Variants in EBF4 observed in about 807,000 individuals in gnomAD.
The protein encoded by EBF4 is transcription factor COE4.
In EBF4, 34 loss-of-function variants were observed where a neutral mutation model predicts 67.1. The ratio of observed to expected loss-of-function variants is 0.51; its 90% confidence interval spans 0.39 to 0.67. The LOEUF is 0.67. Ranked by LOEUF, EBF4 falls within the 30% of genes least tolerant of loss-of-function variation. The pLI is 0.00. For synonymous variants in EBF4, 387 were observed against 377.7 expected (o/e 1.02, Z -0.29); for missense variants, 837 against 873.3 (o/e 0.96, Z 0.52).
chr20:2,707,957 A>T lies in EBF4; in HGVS notation c.425A>T (p.Tyr142Phe). The change falls in exon 5 of 17, where the codon TAT becomes TTT. Residue 142 changes from tyrosine to phenylalanine, a missense_variant. Transcript: ENST00000609451. This position sits in a 1 kb window ranked among gnomAD's most constrained non-coding sequence, Gnocchi z 4.6. ...CCTCCCTCTCCCCAGGCCATCATCT[A>T]TGAGGGGCAGGACAAGAACCCCGAA... 1 of 1,601,900 alleles carries T rather than the reference A, an allele frequency of 6.2e-7. No homozygotes were observed. Among genetic ancestry groups the T allele is most frequent in the East Asian group, 2.2e-5 (1 of 44,604 alleles).
Position 2,749,763 on chromosome 20 carries a change from C to T in EBF4, c.891+10C>T. 6.7e-7 allele frequency: 1 copy of T among 1,489,240 alleles called. No homozygotes were observed. Among genetic ancestry groups the T allele is most frequent in the South Asian group, 1.3e-5 (1 of 79,076 alleles). The allele number at this position is 1,489,240 out of a possible 1,614,324, so 92.3% of individuals were successfully genotyped here. A position where few individuals can be genotyped will look rare whatever the true frequency, so the allele number is the denominator to read the frequency against. The stretch of plus-strand genomic sequence containing the variant: ...GCTCGTGTGGAGCGAGGTGGGCCAA[C>T]CCCGCCAGTCTCCCTCTGGGCCTAG... On this transcript the variant is annotated intron_variant, in intron 9 of 16. Transcript: ENST00000609451.
chr20:2,697,566 A>AAGAG (rs1355203552), intron 1 of EBF4, among the ~76,000 whole-genome samples: 1 of 148,434 alleles, frequency 6.7e-6, no homozygotes, highest in Non-Finnish European at 1.5e-5. Flanking sequence ...GAAAGAAAGA[A>AAGAG]AAAGGGGGTA....
At chr20:2,743,483 T>A (rs76585108) in intron 6 of EBF4, among the ~76,000 whole-genome samples, 1,607 of 152,316 alleles carry the variant, frequency 0.011, 26 homozygotes, top group African/African-American at 0.037. Context: ...TACAAATTGC[T>A]ACTGAGCATG....
chr20:2,729,211 T>C (rs1407880233), intron 6 of EBF4, among the ~76,000 whole-genome samples: 3 of 151,360 alleles, frequency 2.0e-5, no homozygotes, highest in African/African-American at 7.3e-5. Flanking sequence ...AACTCCTGAC[T>C]GAAAGCCTTC....
chr20:2,722,524 T>C (rs1255417622), intron 6 of EBF4, among the ~76,000 whole-genome samples: 1 of 152,232 alleles, frequency 6.6e-6, no homozygotes, highest in South Asian at 2.1e-4. Context: ...TGTATGCAGC[T>C]GTCTCCTCTC....
Position 2,723,454 on chromosome 20 carries a change from C to G in EBF4, c.557+13812C>G, listed in dbSNP as rs1477372043. Reference sequence around the variant, plus strand: ...CAAGCTCAGCCTCCCGGGTTCACGCCATTCTCCCGCCTCAGCCTCCCGAGT... The same window carrying G: ...CAAGCTCAGCCTCCCGGGTTCACGCGATTCTCCCGCCTCAGCCTCCCGAGT... On this transcript the variant is annotated intron_variant, in intron 6 of 16. Transcript: ENST00000609451. Among the ~76,000 whole-genome samples, 3 of 151,964 alleles carry G rather than the reference C, an allele frequency of 2.0e-5. No homozygotes were observed. The East Asian group carries it at 5.8e-4, about 29-fold the overall frequency.
intron 15 of EBF4, among the ~76,000 whole-genome samples, chr20:2,757,485 G>T (rs2088262846): frequency 2.0e-5 from 3 of 152,186 alleles, no homozygotes; most frequent in African/African-American, 7.2e-5. Flanking sequence ...GGGGCTGCTT[G>T]GTGACCCATC....
At chr20:2,698,811 G>C (rs2087333965) in intron 1 of EBF4, among the ~76,000 whole-genome samples, 1 of 152,130 alleles carries the variant, frequency 6.6e-6, no homozygotes, top group South Asian at 2.1e-4. Context: ...CCAGGGCAAG[G>C]CACGGCTCAA....
At chr20:2,749,591 C>T (rs1319600409) in intron 8 of EBF4, 29 bp from the exon 9 acceptor site, 50 of 1,550,030 alleles carry the variant, frequency 3.2e-5, no homozygotes, top group Non-Finnish European at 4.3e-5. Context: ...AGCGCGGTCC[C>T]CTGACCTGGG....
rs2087478441 is a variant in EBF4 at position 2,707,724 on chromosome 20, A to C, written c.415-223A>C. ...GAAAGAGCCACCTACAGACAGACAGAATCTGCAGACTTCATACCATTCTTG... is the reference window on the plus strand; with the variant it reads ...GAAAGAGCCACCTACAGACAGACAGCATCTGCAGACTTCATACCATTCTTG... On this transcript the variant is annotated intron_variant, in intron 4 of 16. Transcript: ENST00000609451. This position sits in a 1 kb window ranked among gnomAD's most constrained non-coding sequence, Gnocchi z 4.6. Among the ~76,000 whole-genome samples, 1 of 152,120 alleles carries C rather than the reference A, an allele frequency of 6.6e-6. No homozygotes were observed. Among genetic ancestry groups the C allele is most frequent in the Non-Finnish European group, 1.5e-5 (1 of 68,004 alleles).
In EBF4 at chr20:2,755,905, C is replaced by G; in HGVS notation, c.1738+81C>G. The G allele has an allele frequency of 7.7e-7, 1 of 1,303,196 alleles. No homozygotes were observed. The highest frequency in any genetic ancestry group is 1.5e-5 in the African/African-American group (1 of 67,910). 80.7% of individuals were successfully genotyped at this position (1,303,196 alleles called of 1,614,324 possible). A position where few individuals can be genotyped will look rare whatever the true frequency, so the allele number is the denominator to read the frequency against. Reference sequence around the variant, plus strand: ...CTGGGCTACAGGGGCCTGCTCTGTCCACATCTCACCAGTGCCTCATGCTGG... The same window carrying G: ...CTGGGCTACAGGGGCCTGCTCTGTCGACATCTCACCAGTGCCTCATGCTGG... On this transcript the variant is annotated intron_variant, in intron 15 of 16. Transcript: ENST00000609451. The surrounding 1 kb of genome is among the most constrained non-coding windows in gnomAD (Gnocchi z 4.7).
chr20:2,712,233 A>G (rs2087553845), intron 6 of EBF4, among the ~76,000 whole-genome samples: 1 of 152,216 alleles, frequency 6.6e-6, no homozygotes, highest in African/African-American at 2.4e-5. Context: ...TGCCATATTG[A>G]CAATGACCTG....
chr20:2,698,654 T>C (rs2087331483), intron 1 of EBF4, among the ~76,000 whole-genome samples: 2 of 151,930 alleles, frequency 1.3e-5, no homozygotes, highest in Admixed American at 1.3e-4. Context: ...TTTGGGGAAA[T>C]CTGCGAAAAG....
chr20:2,732,320 C>T (rs781600722), intron 6 of EBF4, among the ~76,000 whole-genome samples: 6 of 152,142 alleles, frequency 3.9e-5, no homozygotes, highest in Non-Finnish European at 8.8e-5. Flanking sequence ...CGGGGTTTCA[C>T]CATGTTGCCT....
exon 9 of EBF4, chr20:2,749,697 G>T (rs1248044452): frequency 7.7e-6 from 12 of 1,562,440 alleles, no homozygotes; most frequent in African/African-American, 2.7e-5. Flanking sequence ...TGTCATCGGC[G>T]ACAACTTCTT....
intron 6 of EBF4, among the ~76,000 whole-genome samples, chr20:2,744,487 C>CTTTTTTTTTTTTTTTTTTT (rs778840182): frequency 5.4e-5 from 6 of 111,494 alleles, no homozygotes; most frequent in African/African-American, 7.9e-5. Flanking sequence ...TTCTTTTTTT[C>CTTTTTTTTTTTTTTTTTTT]TTTTCTTTTT....
chr20:2,752,292 T>G, intron 13 of EBF4, 29 bp downstream of exon 13: 1 of 1,209,922 alleles, frequency 8.3e-7, no homozygotes, highest in Admixed American at 4.4e-5. Context: ...CCCGCCGTCC[T>G]CGGGCGCCGC....
chr20:2,715,080 T>C (rs968245676), intron 6 of EBF4, among the ~76,000 whole-genome samples: 3 of 152,008 alleles, frequency 2.0e-5, no homozygotes, highest in South Asian at 2.1e-4. Context: ...AATTAGAACA[T>C]GAGAAATACC....
rs947191403 is a variant in EBF4 at position 2,755,544 on chromosome 20, G to A, written c.1541-83G>A. 1 of 733,780 alleles carries A rather than the reference G, an allele frequency of 1.4e-6. No individual in the cohort carries two copies. The highest frequency in any genetic ancestry group is 1.7e-5 in the African/African-American group (1 of 58,008). The allele number at this position is 733,780 out of a possible 1,614,324, so 45.5% of individuals were successfully genotyped here. A position where few individuals can be genotyped will look rare whatever the true frequency, so the allele number is the denominator to read the frequency against. On this transcript the variant is annotated intron_variant, in intron 14 of 16. Transcript: ENST00000609451. This position sits in a 1 kb window ranked among gnomAD's most constrained non-coding sequence, Gnocchi z 4.7. The stretch of plus-strand genomic sequence containing the variant: ...GCAGCCCATGTGGGGCCCCAGCCAA[G>A]CTGCTCACTCTGGTGCTGTCTCCCT...
Sources: gnomAD v4.1 joint callset for allele counts (sites outside exome capture counted in the v4.1 genomes callset) on GRCh38, gnomAD v4.1.1 for gene constraint, Gnocchi (gnomAD v3.1) non-coding constraint, MANE v1.5 for transcripts, NCBI Gene and HGNC (gene_info 2026-07-23, HGNC 2026-07-21) for gene names.